The following BMPR2 variants were observed in gnomAD, a reference collection of about 807,000 sequenced individuals.
BMPR2 encodes bone morphogenetic protein receptor type 2.
In BMPR2, 29 loss-of-function variants were observed where a neutral mutation model predicts 100.8. The ratio of observed to expected loss-of-function variants is 0.29; its 90% CI spans 0.21 to 0.39. The LOEUF is 0.39. Among genes scored for constraint, BMPR2 ranks in the 10% least tolerant of loss-of-function variants. The pLI, the probability that BMPR2 is intolerant of heterozygous loss-of-function variation, is 1.00. For synonymous variants in BMPR2, 382 were observed against 442.3 expected (o/e 0.86, Z 1.71); for missense variants, 1,011 against 1,274.5 (o/e 0.79, Z 3.15).
In BMPR2 at chr2:202,435,258, G is replaced by A. The variant is rs1351266506; in HGVS notation, c.77-29551G>A. Among the ~76,000 whole-genome samples, 6 of 146,896 alleles carry A rather than the reference G, an allele frequency of 4.1e-5. 1 individual carries two copies. The highest frequency in any genetic ancestry group is 1.9e-4 in the East Asian group (1 of 5,132). ...GGGCATCTGTAGTCCCAGCTACTCCGGAGGCTAAGGCTGGAGAATTGCTTG... is the reference window on the plus strand; with the variant it reads ...GGGCATCTGTAGTCCCAGCTACTCCAGAGGCTAAGGCTGGAGAATTGCTTG... On this transcript the variant is annotated intron_variant, in intron 1 of 12. Coordinates refer to ENST00000374580, the MANE Select transcript of BMPR2 (RefSeq NM_001204.7).
At chr2:202,435,372 A>AATAT (rs1553500523) in intron 1 of BMPR2, among the ~76,000 whole-genome samples, 2 of 59,944 alleles carry the variant, frequency 3.3e-5, no homozygotes, top group South Asian at 5.0e-4. Context: ...TCAAAAAAAA[A>AATAT]ATACATATAT....
At chr2:202,382,293 T>C (rs1690319171) in intron 1 of BMPR2, among the ~76,000 whole-genome samples, 1 of 151,976 alleles carries the variant, frequency 6.6e-6, no homozygotes, top group South Asian at 2.1e-4. Flanking sequence ...CTCCTGATCT[T>C]GTGATCCACC....
At chr2:202,527,569 A>T (rs542300584) in intron 7 of BMPR2, among the ~76,000 whole-genome samples, 1 of 149,296 alleles carries the variant, frequency 6.7e-6, no homozygotes, top group South Asian at 2.1e-4. Flanking sequence ...GTGGATCATG[A>T]GGTCAGGAGA....
intron 3 of BMPR2, among the ~76,000 whole-genome samples, chr2:202,471,943 AAGAG>A (rs1310301084): frequency 1.3e-5 from 2 of 148,832 alleles, no homozygotes; most frequent in Non-Finnish European, 3.0e-5. Flanking sequence ...TGTGTGTAGA[AAGAG>A]GTAATAAAAG....
chr2:202,527,410 C>G (rs998553212), intron 7 of BMPR2, among the ~76,000 whole-genome samples: 1 of 151,324 alleles, frequency 6.6e-6, no homozygotes, highest in African/African-American at 2.4e-5. Context: ...ATCGCTTGAA[C>G]CTGGGAGGCA....
At chr2:202,399,878 G>C (rs867071687) in intron 1 of BMPR2, among the ~76,000 whole-genome samples, 1 of 152,166 alleles carries the variant, frequency 6.6e-6, no homozygotes, top group South Asian at 2.1e-4. Flanking sequence ...TTGGGAGGCC[G>C]AGGCAGGAGG....
At chr2:202,387,285 G>A (rs1242645824) in intron 1 of BMPR2, among the ~76,000 whole-genome samples, 2 of 152,184 alleles carry the variant, frequency 1.3e-5, no homozygotes, top group Non-Finnish European at 2.9e-5. Flanking sequence ...AGAGACACAT[G>A]AGCATTTCTC....
At chr2:202,460,494 T>C (rs1290743952) in intron 1 of BMPR2, among the ~76,000 whole-genome samples, 2 of 152,174 alleles carry the variant, frequency 1.3e-5, no homozygotes, top group African/African-American at 4.8e-5. Context: ...TGTACTGATA[T>C]CTTGAAGGAT....
intron 1 of BMPR2, among the ~76,000 whole-genome samples, chr2:202,440,811 G>A (rs1691723388): frequency 6.7e-6 from 1 of 150,332 alleles, no homozygotes; most frequent in East Asian, 1.9e-4. Flanking sequence ...CGGGGAGACT[G>A]GGGAGAGGGA....
intron 12 of BMPR2, among the ~76,000 whole-genome samples, chr2:202,558,438 A>G (rs1688621401): frequency 6.6e-6 from 1 of 152,130 alleles, no homozygotes; most frequent in Admixed American, 6.6e-5. Flanking sequence ...TAAGGCATTT[A>G]TGAAAAAAAG....
At chr2:202,401,969 ATTG>A (rs907567380) in intron 1 of BMPR2, among the ~76,000 whole-genome samples, 1 of 152,240 alleles carries the variant, frequency 6.6e-6, no homozygotes, top group African/African-American at 2.4e-5. Context: ...AAAGAGCTCT[ATTG>A]TTAGTACAAT....
chr2:202,498,172 A>T (rs1693083548), intron 3 of BMPR2, among the ~76,000 whole-genome samples: 1 of 152,014 alleles, frequency 6.6e-6, no homozygotes, highest in Non-Finnish European at 1.5e-5. Context: ...AATGCTTAGG[A>T]CTCTTAACAG....
intron 3 of BMPR2, among the ~76,000 whole-genome samples, chr2:202,493,376 GTAAT>G (rs1692950035): frequency 6.6e-6 from 1 of 151,956 alleles, no homozygotes. Context: ...TACAATAGAG[GTAAT>G]TAAAGTAGAA....
chr2:202,384,674 A>C (rs1174481963), intron 1 of BMPR2, among the ~76,000 whole-genome samples: 1 of 150,474 alleles, frequency 6.6e-6, no homozygotes, highest in South Asian at 2.1e-4. Flanking sequence ...GCTCACTGCA[A>C]CCTTCACCTC....
intron 3 of BMPR2, among the ~76,000 whole-genome samples, chr2:202,512,508 T>C (rs911698018): frequency 2.0e-5 from 3 of 152,226 alleles, no homozygotes; most frequent in African/African-American, 7.2e-5. Flanking sequence ...AAGACAGCTA[T>C]CATATCCTCC....
intron 1 of BMPR2, among the ~76,000 whole-genome samples, chr2:202,457,555 TATATATAGAGAG>T (rs1440939752): frequency 0.011 from 1,095 of 99,946 alleles, 10 homozygotes; most frequent in African/African-American, 0.04. Flanking sequence ...TATATATATA[TATATATAGAGAG>T]AGAGAGAGAG....
At chr2:202,462,018 G>C (rs1045171703) in intron 1 of BMPR2, among the ~76,000 whole-genome samples, 36 of 152,038 alleles carry the variant, frequency 2.4e-4, no homozygotes, top group Non-Finnish European at 4.4e-5. Flanking sequence ...TTTCCCGTAT[G>C]TGGTTGGGGT....
At chr2:202,493,498 A>G (rs1574476444) in intron 3 of BMPR2, among the ~76,000 whole-genome samples, 1 of 152,078 alleles carries the variant, frequency 6.6e-6, no homozygotes, top group East Asian at 1.9e-4. Flanking sequence ...TTTTTCTTGT[A>G]TTTTTAAAAT....
chr2:202,485,543 A>ATATTTTTTTTTTTTTT (rs1574472655), intron 3 of BMPR2, among the ~76,000 whole-genome samples: 1 of 14,056 alleles, frequency 7.1e-5, no homozygotes, highest in Non-Finnish European at 1.9e-4. Context: ...CTTTGCCTTT[A>ATATTTTTTTTTTTTTT]TCTTTTTTTT....
Sources: gnomAD v4.1 joint callset for allele counts (sites outside exome capture counted in the v4.1 genomes callset) on GRCh38, gnomAD v4.1.1 for gene constraint, MANE v1.5 for transcripts, NCBI Gene and HGNC (gene_info 2026-07-23, HGNC 2026-07-21) for gene names.